Variants in BRCA2 observed in about 807,000 individuals in gnomAD.
The protein encoded by BRCA2 is breast cancer type 2 susceptibility protein.
Under a neutral mutation model 276.7 loss-of-function variants are expected in BRCA2, and 203 were observed. The ratio of observed to expected loss-of-function variants is 0.73; its 90% CI spans 0.65 to 0.82. The LOEUF (loss-of-function observed/expected upper bound fraction) is 0.82. Ranked by LOEUF, BRCA2 falls within the 40% of genes least tolerant of loss-of-function variation. The pLI is 0.00. For missense variants in BRCA2, 3,920 were observed against 3,915.0 expected (o/e 1.00, Z -0.03); for synonymous variants, 1,289 against 1,338.4 (o/e 0.96, Z 0.81).
At chr13:32,369,490 G>A (rs2072812463) in intron 18 of BRCA2, among the ~76,000 whole-genome samples, 1 of 152,102 alleles carries the variant, frequency 6.6e-6, no homozygotes, top group Non-Finnish European at 1.5e-5. Flanking sequence ...ATAACCTTGG[G>A]CAAGTTGTGT....
At chr13:32,394,136 A>G (rs1444792314) in intron 24 of BRCA2, among the ~76,000 whole-genome samples, 2 of 152,080 alleles carry the variant, frequency 1.3e-5, no homozygotes, top group Non-Finnish European at 2.9e-5. Flanking sequence ...CTCTTTTTTT[A>G]CAGCTACGTG....
chr13:32,317,688 CTT>C (rs765552518), intron 2 of BRCA2, among the ~76,000 whole-genome samples: 1 of 152,168 alleles, frequency 6.6e-6, no homozygotes, highest in Non-Finnish European at 1.5e-5. Flanking sequence ...TCAGAAAAGT[CTT>C]TTAAGATTGG....
intron 24 of BRCA2, among the ~76,000 whole-genome samples, chr13:32,386,717 C>A (rs766079115): frequency 2.0e-5 from 3 of 152,132 alleles, no homozygotes; most frequent in Admixed American, 1.3e-4. Context: ...TTTCTCCCCC[C>A]CTTAGTTACA....
rs1060504612 is a variant in BRCA2 at position 32,336,596 on chromosome 13, A to G, written c.2241A>G (p.Glu747=). The G allele has an allele frequency of 1.2e-6, 2 of 1,614,090 alleles. No individual in the cohort carries two copies. Among genetic ancestry groups the G allele is most frequent in the African/African-American group, 1.3e-5 (1 of 75,044 alleles). Residue 747 remains glutamate, a synonymous_variant, in exon 11 of 27, where the codon GAA becomes GAG. Coordinates refer to ENST00000380152, the MANE Select transcript of BRCA2 (RefSeq NM_000059.4). ...ACHPVQHSKV[E]YSDTDFQSQK... is the part of the protein sequence containing the mutation. ...ACCCAGTACAACATTCAAAAGTGGAATACAGTGATACTGACTTTCAATCCC... is the reference window on the plus strand; with the variant it reads ...ACCCAGTACAACATTCAAAAGTGGAGTACAGTGATACTGACTTTCAATCCC...
intron 8 of BRCA2, 39 bp from the exon 9 acceptor site, chr13:32,330,880 A>G (rs2072384046): frequency 8.0e-7 from 1 of 1,244,298 alleles, no homozygotes; most frequent in South Asian, 1.2e-5. Context: ...GTGCATTGAG[A>G]GTTTTTATAC....
rs276174826 is a variant in BRCA2 at position 32,336,988 on chromosome 13, ACT to A, written c.2636_2637del (p.Ser879Ter). 1.3e-6 allele frequency: 2 copies of A among 1,585,630 alleles called. No individual in the cohort carries two copies. Among genetic ancestry groups the A allele is most frequent in the African/African-American group, 1.4e-5 (1 of 73,254 alleles). The stretch of plus-strand genomic sequence containing the variant: ...ATTTCAAAAATAACTGTCAATCCAG[ACT>A]CTGAAGAACTTTTCTCAGACAATGA... On this transcript the variant is annotated frameshift_variant, in exon 11 of 27. Coordinates refer to ENST00000380152, the MANE Select transcript of BRCA2 (RefSeq NM_000059.4). LOFTEE classifies it high-confidence loss of function.
intron 17 of BRCA2, 94 bp downstream of exon 17, chr13:32,362,787 G>C: frequency 7.1e-7 from 1 of 1,412,614 alleles, no homozygotes; most frequent in Non-Finnish European, 9.9e-7. Context: ...TGTTGCACAA[G>C]CCAGTTGTCA....
rs876659435 is a variant in BRCA2 at position 32,394,842 on chromosome 13, C to CT, written c.9413dup (p.Leu3138PhefsTer12). On this transcript the variant is annotated frameshift_variant, in exon 25 of 27. Transcript: ENST00000380152. LOFTEE classifies it high-confidence loss of function. The stretch of plus-strand genomic sequence containing the variant: ...CCAGAATCCAAATCAGGCCTTCTTA[C>CT]TTTATTTGCTGGAGATTTTTCTGTG... 6.2e-7 allele frequency: 1 copy of CT among 1,614,066 alleles called. No homozygotes were observed. Among genetic ancestry groups the CT allele is most frequent in the Middle Eastern group, 1.6e-4 (1 of 6,062 alleles).
rs587782754 is a variant in BRCA2, at chr13:32,339,228, G to A, written c.4873G>A (p.Glu1625Lys). The A allele has an allele frequency of 1.2e-5, 19 of 1,613,116 alleles. No homozygotes were observed. The South Asian group carries it at 1.8e-4, about 15-fold the overall frequency. The change falls in exon 11 of 27, where the codon GAA becomes AAA. Residue 1625 changes from glutamate (E) to lysine (K), a missense_variant. Coordinates refer to ENST00000380152, the MANE Select transcript of BRCA2 (RefSeq NM_000059.4). ...LLSDNLCRQT[E>K]NLKTSKSIFL... ...AAGTGATAATTTATGTAGACAAACT[G>A]AAAATCTCAAAACATCAAAAAGTAT...
chr13:32,334,500 A>AC (rs1222137527), intron 10 of BRCA2, among the ~76,000 whole-genome samples: 2 of 151,792 alleles, frequency 1.3e-5, no homozygotes, highest in Admixed American at 6.6e-5. Flanking sequence ...ACATAGCGAG[A>AC]CCCCATCTCT....
chr13:32,360,725 C>G (rs2072732800), intron 16 of BRCA2, among the ~76,000 whole-genome samples: 1 of 152,136 alleles, frequency 6.6e-6, no homozygotes, highest in Non-Finnish European at 1.5e-5. Context: ...GATGGACACA[C>G]AGAGACCACT....
Position 32,344,545 on chromosome 13 carries a change from TATTTC to T in BRCA2, c.6842-12_6842-8del, listed in dbSNP as rs1427201617. On this transcript the variant is annotated splice_polypyrimidine_tract_variant and splice_region_variant and intron_variant, in intron 11 of 26. Coordinates refer to ENST00000380152, the MANE Select transcript of BRCA2 (RefSeq NM_000059.4). ...ATTTGCCTTAAAAACATATATGAAA[TATTTC>T]TTTTTAGGAGAACCCTCAATCAAAA... The T allele has an allele frequency of 1.4e-6, 2 of 1,461,626 alleles. No homozygotes were observed. The highest frequency in any genetic ancestry group is 2.8e-5 in the African/African-American group (2 of 71,120). The allele number at this position is 1,461,626 out of a possible 1,614,324, so 90.5% of individuals were successfully genotyped here. A position where few individuals can be genotyped will look rare whatever the true frequency, so the allele number is the denominator to read the frequency against.
In BRCA2 at chr13:32,338,338, G is replaced by A. The variant is rs753690365; in HGVS notation, c.3983G>A (p.Ser1328Asn). The change falls in exon 11 of 27, where the codon AGT becomes AAT. Residue 1328 changes from serine to asparagine, a missense_variant. Ser to Asn is a conservative substitution (Grantham distance 46). Transcript: ENST00000380152. ...GAAGATAACAAATATACTGCTGCCAGTAGAAATTCTCATAACTTAGAATTT... is the reference window on the plus strand; with the variant it reads ...GAAGATAACAAATATACTGCTGCCAATAGAAATTCTCATAACTTAGAATTT... ...ENEDNKYTAASRNSHNLEFDG... is the reference protein window; with the variant it reads ...ENEDNKYTAANRNSHNLEFDG... The A allele has an allele frequency of 1.3e-6, 2 of 1,584,752 alleles. No homozygotes were observed. The highest frequency in any genetic ancestry group is 8.6e-7 in the Non-Finnish European group (1 of 1,168,250).
intron 24 of BRCA2, among the ~76,000 whole-genome samples, chr13:32,381,683 A>G (rs2072925161): frequency 6.6e-6 from 1 of 152,150 alleles, no homozygotes; most frequent in Admixed American, 6.5e-5. Context: ...GATGACAGGA[A>G]GTCACAGGAA....
chr13:32,327,824 A>C (rs2072361345), intron 7 of BRCA2, among the ~76,000 whole-genome samples: 1 of 150,676 alleles, frequency 6.6e-6, no homozygotes, highest in Non-Finnish European at 1.5e-5. Flanking sequence ...GCTGGAGTGC[A>C]GTGGCACCGT....
At chr13:32,325,597 G>A (rs905113715) in intron 4 of BRCA2, among the ~76,000 whole-genome samples, 18 of 149,216 alleles carry the variant, frequency 1.2e-4, no homozygotes, top group Non-Finnish European at 2.5e-4. Context: ...CTGTAGTGCA[G>A]TGGTGCGATC....
At chr13:32,343,191 A>G (rs1262365512) in intron 11 of BRCA2, among the ~76,000 whole-genome samples, 1 of 152,090 alleles carries the variant, frequency 6.6e-6, no homozygotes, top group Non-Finnish European at 1.5e-5. Flanking sequence ...TTAGGTATGT[A>G]TTTGGTTTTG....
chr13:32,363,535 T>A lies in BRCA2; in HGVS notation c.8331+2T>A, dbSNP rs398122602. On this transcript the variant is annotated splice_donor_variant, in intron 18 of 26. Transcript: ENST00000380152. LOFTEE classifies it high-confidence loss of function. ...GCCCCAGAATCTCTTATGTTAAAGG[T>A]AAATTAATTTGCACTCTTGGTAAAA... The A allele has an allele frequency of 6.2e-7, 1 of 1,610,002 alleles. No homozygotes were observed. Among genetic ancestry groups the A allele is most frequent in the Non-Finnish European group, 8.5e-7 (1 of 1,176,388 alleles).
At chr13:32,318,468 G>A (rs1171834467) in intron 2 of BRCA2, among the ~76,000 whole-genome samples, 1 of 150,556 alleles carries the variant, frequency 6.6e-6, no homozygotes, top group Admixed American at 6.6e-5. Flanking sequence ...TTGAGACACA[G>A]TCTTGCTCTG....
Sources: allele counts gnomAD v4.1 joint callset (sites outside exome capture counted in the v4.1 genomes callset), GRCh38; gene constraint gnomAD v4.1.1; transcripts MANE v1.5; gene names NCBI Gene and HGNC (gene_info 2026-07-23, HGNC 2026-07-21).